ETNPPL: variants seen among roughly 807,000 people sequenced by gnomAD.
ETNPPL encodes the protein alanine--glyoxylate aminotransferase 2-like 1.
In ETNPPL, 30 loss-of-function variants were observed where a neutral mutation model predicts 55.5. That is an observed-to-expected ratio of 0.54 (90% CI 0.40 to 0.73). ETNPPL has a LOEUF of 0.73. Among genes scored for constraint, ETNPPL ranks in the 30% least tolerant of loss-of-function variants. The pLI, the probability that ETNPPL is intolerant of heterozygous loss-of-function variation, is 0.00. For missense variants in ETNPPL, 528 were observed against 607.9 expected (o/e 0.87, Z 1.38); for synonymous variants, 202 against 207.2 (o/e 0.98, Z 0.21).
chr4:108,750,434 C>T (rs1728839139), intron 7 of ETNPPL, among the ~76,000 whole-genome samples: 1 of 151,534 alleles, frequency 6.6e-6, no homozygotes, highest in Admixed American at 6.6e-5. Flanking sequence ...TCCTTGCTCC[C>T]CACCTTGCAG....
chr4:108,747,930 A>C, intron 9 of ETNPPL, 75 bp downstream of exon 9: 1 of 1,290,894 alleles, frequency 7.7e-7, no homozygotes, highest in Non-Finnish European at 1.1e-6. Context: ...GGGTCTCACC[A>C]TGTTGCCCAG....
At chr4:108,747,919 G>A (rs1355264258) in intron 9 of ETNPPL, 86 bp downstream of exon 9, 8 of 1,125,148 alleles carry the variant, frequency 7.1e-6, no homozygotes, top group African/African-American at 1.6e-5. Context: ...TAATAGAGAC[G>A]GGGTCTCACC....
At chr4:108,756,383 GCTT>G (rs1729196055) in intron 4 of ETNPPL, 32 bp downstream of exon 4, 2 of 1,492,326 alleles carry the variant, frequency 1.3e-6, no homozygotes, top group Admixed American at 1.7e-5. Context: ...CTCTGAAGAA[GCTT>G]CTTGCTTAAA....
chr4:108,747,807 C>A (rs1728680014), intron 9 of ETNPPL, 198 bp downstream of exon 9: 1 of 489,054 alleles, frequency 2.0e-6, no homozygotes, highest in African/African-American at 2.0e-5. Flanking sequence ...CGGCTCACTG[C>A]AACCTCTGCC....
chr4:108,744,347 G>A (rs536728611), intron 11 of ETNPPL, among the ~76,000 whole-genome samples: 3 of 152,086 alleles, frequency 2.0e-5, no homozygotes, highest in Non-Finnish European at 4.4e-5. Context: ...GTGGCACTAA[G>A]CCCATTTTAC....
chr4:108,746,041 TCACA>T (rs552536128), intron 11 of ETNPPL, among the ~76,000 whole-genome samples: 190 of 152,198 alleles, frequency 1.2e-3, no homozygotes, highest in African/African-American at 4.4e-3. Flanking sequence ...CATGTATTAA[TCACA>T]CAATGCTGAA....
intron 5 of ETNPPL, 88 bp from the exon 6 acceptor site, chr4:108,753,099 A>C (rs1243753253): frequency 1.4e-6 from 1 of 722,800 alleles, no homozygotes; most frequent in Non-Finnish European, 2.4e-6. Flanking sequence ...AACATGTTAG[A>C]ATGGTGATCA....
chr4:108,744,629 A>G (rs893492230), intron 11 of ETNPPL, among the ~76,000 whole-genome samples: 1 of 151,626 alleles, frequency 6.6e-6, no homozygotes, highest in African/African-American at 2.4e-5. Context: ...TTCACTATTC[A>G]TATCTATTTT....
At chr4:108,752,838 A>G in intron 6 of ETNPPL, 57 bp downstream of exon 6, 1 of 971,714 alleles carries the variant, frequency 1.0e-6, no homozygotes, top group African/African-American at 1.6e-5. Flanking sequence ...GAATCCCAAC[A>G]GTTTTAATCC....
intron 12 of ETNPPL, among the ~76,000 whole-genome samples, chr4:108,743,073 A>G (rs1285879031): frequency 6.6e-6 from 1 of 152,238 alleles, no homozygotes; most frequent in Non-Finnish European, 1.5e-5. Flanking sequence ...AAACAGCCTG[A>G]TGATTTTAAT....
At chr4:108,757,969 G>A (rs780353301) in intron 3 of ETNPPL, among the ~76,000 whole-genome samples, 21 of 151,200 alleles carry the variant, frequency 1.4e-4, no homozygotes, top group African/African-American at 1.9e-4. Flanking sequence ...AAATATTCAC[G>A]GAATGTCTAA....
At chr4:108,749,502 T>G in intron 7 of ETNPPL, 39 bp from the exon 8 acceptor site, 1 of 1,496,410 alleles carries the variant, frequency 6.7e-7, no homozygotes, top group South Asian at 1.1e-5. Flanking sequence ...TTCAGGTCAC[T>G]GAGATCCCCA....
chr4:108,760,113 C>A, intron 2 of ETNPPL, 75 bp downstream of exon 2: 2 of 1,215,134 alleles, frequency 1.6e-6, no homozygotes, highest in Non-Finnish European at 2.4e-6. Context: ...ATTCCCCAAA[C>A]AAAAATTAAG....
In ETNPPL at chr4:108,758,229, A is replaced by T. The variant is rs574112133; in HGVS notation, c.335+1520T>A. ...ATGGTCTTGATCTCTTGACCTCGTG[A>T]TCCACCCTCCTTGGCCTCCCAAAGT... is the stretch of plus-strand genomic sequence containing the variant. On this transcript the variant is annotated intron_variant, in intron 3 of 12. Transcript: ENST00000296486. Among the ~76,000 whole-genome samples, 18 of 152,006 alleles carry T rather than the reference A, an allele frequency of 1.2e-4. No individual in the cohort carries two copies. In the South Asian group the frequency reaches 3.7e-3, roughly 32 times the overall value.
rs1271039762 is a variant in ETNPPL, at chr4:108,752,982, T to G, written c.531A>C (p.Lys177Asn). The part of the protein sequence containing the change: ...VAPTPDTYRG[K>N]YREDHADSAS... Reference sequence around the variant, plus strand: ...CTGAGTCTGCATGGTCTTCTCTATATTTTCCTCTGTAAGTATCTGGAGTTG... The same window carrying G: ...CTGAGTCTGCATGGTCTTCTCTATAGTTTCCTCTGTAAGTATCTGGAGTTG... Residue 177 changes from lysine to asparagine, a missense_variant, in exon 6 of 13, where the codon AAA (lysine) becomes AAC (asparagine). Coordinates refer to ENST00000296486, the MANE Select transcript of ETNPPL (RefSeq NM_031279.4). The G allele has an allele frequency of 2.5e-6, 4 of 1,610,770 alleles. No individual in the cohort carries two copies. The highest frequency in any genetic ancestry group is 3.4e-6 in the Non-Finnish European group (4 of 1,178,152).
intron 3 of ETNPPL, among the ~76,000 whole-genome samples, chr4:108,757,179 T>C (rs952757691): frequency 1.3e-5 from 2 of 152,196 alleles, no homozygotes; most frequent in African/African-American, 4.8e-5. Context: ...TTACCCAACA[T>C]TTGACTAGCT....
At chr4:108,761,550 T>C (rs1217796031) in intron 1 of ETNPPL, among the ~76,000 whole-genome samples, 2 of 152,244 alleles carry the variant, frequency 1.3e-5, no homozygotes, top group Non-Finnish European at 2.9e-5. Flanking sequence ...GCCTTTTTAA[T>C]ACACTTTCCA....
At chr4:108,753,978 T>C (rs1005898886) in intron 5 of ETNPPL, among the ~76,000 whole-genome samples, 10 of 144,132 alleles carry the variant, frequency 6.9e-5, no homozygotes, top group Non-Finnish European at 1.1e-4. Context: ...CTTTTCTTTT[T>C]TTTTTTTTTT....
At chr4:108,747,142 ATATAT>A (rs1560650040) in intron 9 of ETNPPL, among the ~76,000 whole-genome samples, 580 of 24,864 alleles carry the variant, frequency 0.023, 75 homozygotes, top group Middle Eastern at 0.12. Flanking sequence ...ATATATATAT[ATATAT>A]AATATATATA....
Sources: gnomAD v4.1 joint callset for allele counts (sites outside exome capture counted in the v4.1 genomes callset) on GRCh38, gnomAD v4.1.1 for gene constraint, MANE v1.5 for transcripts, NCBI Gene and HGNC (gene_info 2026-07-23, HGNC 2026-07-21) for gene names.